Variants in AMHR2 observed in about 807,000 individuals in gnomAD.
AMHR2 encodes anti-Muellerian hormone type-2 receptor.
AMHR2 carries 36 observed loss-of-function variants against 61.4 expected under a neutral mutation model. That is an observed-to-expected ratio of 0.59 (90% CI 0.45 to 0.77). The LOEUF is 0.77. Among genes scored for constraint, AMHR2 ranks in the 30% least tolerant of loss-of-function variants. The probability of loss-of-function intolerance (pLI) is 0.00; values close to 1 mark genes in which losing one functional copy is unlikely to be tolerated. For synonymous variants in AMHR2, 258 were observed against 279.4 expected (o/e 0.92, Z 0.76); for missense variants, 638 against 714.6 (o/e 0.89, Z 1.22).
chr12:53,430,569 C>T, intron 10 of AMHR2: 1 of 517,270 alleles, frequency 1.9e-6, no homozygotes, highest in South Asian at 2.0e-5. Flanking sequence ...CCCTGTTCCT[C>T]AGTCCCCTTC....
At chr12:53,425,392 C>T (rs1939475519) in intron 4 of AMHR2, 63 bp from the exon 5 acceptor site, 11 of 1,605,438 alleles carry the variant, frequency 6.9e-6, no homozygotes, top group Middle Eastern at 1.7e-4. Context: ...TCCCTTTCCA[C>T]GAAGTCCCTT....
Position 53,429,849 on chromosome 12 carries a change from A to C in AMHR2, c.1159A>C (p.Met387Leu), listed in dbSNP as rs1939958620. The C allele has an allele frequency of 1.2e-6, 2 of 1,614,094 alleles. No individual in the cohort carries two copies. Among genetic ancestry groups the C allele is most frequent in the African/African-American group, 1.3e-5 (1 of 74,928 alleles). The change falls in exon 9 of 11, where the codon ATG becomes CTG. Residue 387 changes from methionine to leucine, a missense_variant. By Grantham distance (15) the Met-to-Leu change is conservative. Coordinates refer to ENST00000257863, the MANE Select transcript of AMHR2 (RefSeq NM_020547.3). Reference sequence around the variant, plus strand: ...TCTCCAGGCTGGCACCCAGAGGTACATGGCACCAGAGCTCTTGGACAAGAC... The same window carrying C: ...TCTCCAGGCTGGCACCCAGAGGTACCTGGCACCAGAGCTCTTGGACAAGAC... ...AIMEAGTQRY[M>L]APELLDKTLD...
rs768744210 is a variant in AMHR2, at chr12:53,424,843, C to T, written c.367C>T (p.Leu123=). 55 of 1,613,996 alleles carry T rather than the reference C, an allele frequency of 3.4e-5. No individual in the cohort carries two copies. Among genetic ancestry groups the T allele is most frequent in the Non-Finnish European group, 4.6e-5 (54 of 1,180,006 alleles). ...CTTCTGCAATGCCAATTACAGCCAT[C>T]TGCCTCCTCCAGGGAGCCCTGGGAC... is the stretch of plus-strand genomic sequence containing the variant. ...TDFCNANYSH[L]PPPGSPGTPG... is the part of the protein sequence containing the mutation. Residue 123 remains leucine, a synonymous_variant, in exon 3 of 11, where the codon CTG becomes TTG. Coordinates refer to ENST00000257863, the MANE Select transcript of AMHR2 (RefSeq NM_020547.3).
At chr12:53,429,410 A>C in intron 7 of AMHR2, 43 bp from the exon 8 acceptor site, 1 of 1,555,106 alleles carries the variant, frequency 6.4e-7, no homozygotes, top group African/African-American at 1.4e-5. Flanking sequence ...AAAAAGAGGG[A>C]GGAAGAAAAT....
At chr12:53,428,077 G>C (rs544532135) in intron 6 of AMHR2, among the ~76,000 whole-genome samples, 1 of 152,300 alleles carries the variant, frequency 6.6e-6, no homozygotes, top group Admixed American at 6.5e-5. Context: ...TCCTGGCCCA[G>C]CTCAAAAATC....
rs765559673 is a variant in AMHR2 at position 53,425,916 on chromosome 12, C to T, written c.849C>T (p.Pro283=). ...CCCTGCTGGTACTGGAACTGCATCC[C>T]AAGGTGAGCACCAAGGAGTGTATAT... ...SGPLLVLELH[P]KGSLCHYLTQ... The change falls in exon 6 of 11, where the codon CCC becomes CCT. Residue 283 remains proline, a synonymous_variant. Coordinates refer to ENST00000257863, the MANE Select transcript of AMHR2 (RefSeq NM_020547.3). 1.1e-5 allele frequency: 18 copies of T among 1,613,506 alleles called. No homozygotes were observed. The highest frequency in any genetic ancestry group is 2.2e-5 in the East Asian group (1 of 44,886).
At position 53,431,173 on chromosome 12, in the gene AMHR2, C is replaced by A. The variant is rs754698008; in HGVS notation, c.1426-4C>A. 1.2e-6 allele frequency: 2 copies of A among 1,614,040 alleles called. No individual in the cohort carries two copies. The highest frequency in any genetic ancestry group is 2.2e-5 in the South Asian group (2 of 91,074). ...CAACCCTTCCTCCCTGTCATTCCCC[C>A]CAGGACCCTGATGGGCTGAGGGAGC... On this transcript the variant is annotated splice_polypyrimidine_tract_variant and splice_region_variant and intron_variant, in intron 10 of 10. Transcript: ENST00000257863.
At chr12:53,430,584 G>A (rs1305501888) in intron 10 of AMHR2, 2 of 494,286 alleles carry the variant, frequency 4.0e-6, no homozygotes, top group African/African-American at 3.9e-5. Context: ...CCCTTCTCCA[G>A]GAAGCCCTCC....
chr12:53,423,892 G>C lies in AMHR2; in HGVS notation c.-43G>C. 6.2e-7 allele frequency: 1 copy of C among 1,611,782 alleles called. No homozygotes were observed. Among genetic ancestry groups the C allele is most frequent in the Non-Finnish European group, 8.5e-7 (1 of 1,178,086 alleles). On this transcript the variant is annotated 5_prime_UTR_variant, in exon 1 of 11. Coordinates refer to ENST00000257863, the MANE Select transcript of AMHR2 (RefSeq NM_020547.3). Reference sequence around the variant, plus strand: ...AGATTTGGCCAGGGGCAGCTGTGCTGGCTTATGCTCTTCTCCTTCTGCTGC... The same window carrying C: ...AGATTTGGCCAGGGGCAGCTGTGCTCGCTTATGCTCTTCTCCTTCTGCTGC...
chr12:53,425,922 G>T lies in AMHR2; in HGVS notation c.852+3G>T. On this transcript the variant is annotated splice_donor_region_variant and intron_variant, in intron 6 of 10. Coordinates refer to ENST00000257863, the MANE Select transcript of AMHR2 (RefSeq NM_020547.3). ...TGGTACTGGAACTGCATCCCAAGGTGAGCACCAAGGAGTGTATATGTGTGT... is the reference window on the plus strand; with the variant it reads ...TGGTACTGGAACTGCATCCCAAGGTTAGCACCAAGGAGTGTATATGTGTGT... 6.2e-7 allele frequency: 1 copy of T among 1,613,146 alleles called. No individual in the cohort carries two copies. The highest frequency in any genetic ancestry group is 1.3e-5 in the African/African-American group (1 of 75,006).
rs779378898 is a variant in AMHR2, at chr12:53,429,925, C to G, written c.1235C>G (p.Ser412Cys). 1.2e-6 allele frequency: 2 copies of G among 1,614,174 alleles called. No individual in the cohort carries two copies. The highest frequency in any genetic ancestry group is 2.7e-5 in the African/African-American group (2 of 75,046). The change falls in exon 9 of 11, where the codon TCT (serine) becomes TGT (cysteine). Residue 412 changes from serine (S) to cysteine (C), a missense_variant. Ser to Cys is a moderately radical substitution (Grantham distance 112, BLOSUM62 -1). Coordinates refer to ENST00000257863, the MANE Select transcript of AMHR2 (RefSeq NM_020547.3). ...GMALRRADIY[S>C]LALLLWEILS... is the part of the protein sequence containing the mutation. ...GCCCTCCGACGAGCTGATATTTACT[C>G]TTTGGCTCTGCTCCTGTGGGAGATA...
At chr12:53,424,161 T>G (rs1939316589) in intron 1 of AMHR2, 127 bp from the exon 2 acceptor site, 40 of 1,402,526 alleles carry the variant, frequency 2.9e-5, no homozygotes, top group Non-Finnish European at 3.9e-5. Context: ...TGACCCTGCT[T>G]CCTCCTGTGG....
chr12:53,429,404 AGAGG>A, intron 7 of AMHR2, 45 bp from the exon 8 acceptor site: 1 of 1,506,814 alleles, frequency 6.6e-7, no homozygotes. Flanking sequence ...AAAAAAAAAA[AGAGG>A]GAGGAAGAAA....
At chr12:53,425,989 C>T (rs1592595264) in intron 6 of AMHR2, 70 bp downstream of exon 6, 4 of 1,434,140 alleles carry the variant, frequency 2.8e-6, no homozygotes, top group Non-Finnish European at 3.9e-6. Context: ...GGCTACATGG[C>T]AGCTGGGCCC....
At chr12:53,425,995 G>A in intron 6 of AMHR2, 76 bp downstream of exon 6, 4 of 1,408,168 alleles carry the variant, frequency 2.8e-6, no homozygotes, top group Admixed American at 3.6e-5. Flanking sequence ...ATGGCAGCTG[G>A]GCCCTGTTGA....
intron 6 of AMHR2, among the ~76,000 whole-genome samples, chr12:53,427,082 G>T (rs1939667671): frequency 6.6e-6 from 1 of 152,016 alleles, no homozygotes; most frequent in Non-Finnish European, 1.5e-5. Flanking sequence ...TATATGTCAG[G>T]CACTATGCTA....
In AMHR2 at chr12:53,425,809, G is replaced by A. The variant is rs146554515; in HGVS notation, c.742G>A (p.Glu248Lys). The change falls in exon 6 of 11, where the codon GAA (glutamate) becomes AAA (lysine). Residue 248 changes from glutamate to lysine, a missense_variant. Transcript: ENST00000257863. Reference sequence around the variant, plus strand: ...GTTCCAAGCTGAGAGAGCATTGTACGAACTTCCAGGCCTACAGCACGACCA... The same window carrying A: ...GTTCCAAGCTGAGAGAGCATTGTACAAACTTCCAGGCCTACAGCACGACCA... Reference protein sequence around the residue: ...AQFQAERALYELPGLQHDHIV... With the variant: ...AQFQAERALYKLPGLQHDHIV... 3 of 1,614,136 alleles carry A rather than the reference G, an allele frequency of 1.9e-6. No homozygotes were observed. Among genetic ancestry groups the A allele is most frequent in the Non-Finnish European group, 2.5e-6 (3 of 1,180,020 alleles).
At chr12:53,427,383 C>T (rs550845924) in intron 6 of AMHR2, among the ~76,000 whole-genome samples, 5 of 152,202 alleles carry the variant, frequency 3.3e-5, no homozygotes, top group East Asian at 3.9e-4. Context: ...CTAGGCATTA[C>T]GCTACCCGCT....
At position 53,424,706 on chromosome 12, in the gene AMHR2, C is replaced by T. The variant is rs778758485; in HGVS notation, c.233-3C>T. 10 of 1,613,366 alleles carry T rather than the reference C, an allele frequency of 6.2e-6. No homozygotes were observed. Among genetic ancestry groups the T allele is most frequent in the Non-Finnish European group, 8.5e-6 (10 of 1,179,642 alleles). On this transcript the variant is annotated splice_polypyrimidine_tract_variant and splice_region_variant and intron_variant, in intron 2 of 10. Coordinates refer to ENST00000257863, the MANE Select transcript of AMHR2 (RefSeq NM_020547.3). ...TCCTCTTCCCCTAATCCCATCCCATCAGGATGCCGAGACAGTGATGAGCCA... is the reference window on the plus strand; with the variant it reads ...TCCTCTTCCCCTAATCCCATCCCATTAGGATGCCGAGACAGTGATGAGCCA...
Sources: gnomAD v4.1 joint callset for allele counts (sites outside exome capture counted in the v4.1 genomes callset) on GRCh38, gnomAD v4.1.1 for gene constraint, MANE v1.5 for transcripts, NCBI Gene and HGNC (gene_info 2026-07-23, HGNC 2026-07-21) for gene names.